The following PBRM1 variants were observed in gnomAD, a reference collection of about 807,000 sequenced individuals.
PBRM1 encodes the protein protein polybromo-1.
PBRM1 carries 27 observed loss-of-function variants against 194.5 expected under a neutral mutation model. That is an observed-to-expected ratio of 0.14 (90% CI 0.10 to 0.19). The LOEUF is 0.19. PBRM1 is among the 10% of genes least tolerant of loss of function. The pLI is 1.00. For synonymous variants in PBRM1, 655 were observed against 693.2 expected, an observed-to-expected ratio of 0.94 and a Z score of 0.87; for missense variants, 1,466 against 2,077.2, an observed-to-expected ratio of 0.71 and a Z score of 5.72.
intron 22 of PBRM1, among the ~76,000 whole-genome samples, chr3:52,571,818 T>C (rs1400688265): frequency 2.2e-5 from 3 of 135,424 alleles, no homozygotes; most frequent in East Asian, 4.2e-4. Flanking sequence ...GGCCAGGAGT[T>C]TGAGACCAGC....
exon 21 of PBRM1, chr3:52,579,058 C>T: frequency 6.2e-7 from 1 of 1,614,060 alleles, no homozygotes; most frequent in Non-Finnish European, 8.5e-7. Context: ...ACTCACCTGC[C>T]CACACGAGGA....
intron 23 of PBRM1, among the ~76,000 whole-genome samples, chr3:52,563,846 C>T (rs1244305573): frequency 6.6e-6 from 1 of 151,698 alleles, no homozygotes; most frequent in Non-Finnish European, 1.5e-5. Flanking sequence ...TTGGAGTCTA[C>T]GCCAAGGGCA....
upstream of PBRM1, among the ~76,000 whole-genome samples, chr3:52,683,849 T>TCCAAAAAAAAAAAAAAAAAAG (rs61030633): frequency 6.6e-6 from 1 of 151,514 alleles, no homozygotes. Flanking sequence ...ACTTGAGACC[T>TCCAAAAAAAAAAAAAAAAAAG]TCAAAAAAAA....
intron 10 of PBRM1, among the ~76,000 whole-genome samples, chr3:52,636,921 C>A (rs1017363215): frequency 2.0e-5 from 3 of 150,986 alleles, no homozygotes; most frequent in Non-Finnish European, 4.4e-5. Context: ...CTCAGGTAAT[C>A]CTAAAACCAA....
chr3:52,679,813 C>A (rs1331050480), upstream of PBRM1: 3 of 1,008,974 alleles, frequency 3.0e-6, no homozygotes, highest in Non-Finnish European at 4.3e-6. Context: ...AAACTCCTGG[C>A]TCACTTAGGA....
intron 22 of PBRM1, among the ~76,000 whole-genome samples, chr3:52,573,686 T>A (rs2088319355): frequency 6.6e-6 from 1 of 152,226 alleles, no homozygotes; most frequent in Non-Finnish European, 1.5e-5. Flanking sequence ...CTAAGGGCCA[T>A]TACTTCACAG....
At chr3:52,603,636 T>C (rs1386518924) in exon 17 of PBRM1, 2 of 1,613,762 alleles carry the variant, frequency 1.2e-6, no homozygotes, top group Non-Finnish European at 1.7e-6. Flanking sequence ...TGAGTGCCGG[T>C]GAAAGAAGAA....
At chr3:52,647,645 A>G (rs1472735404) in intron 7 of PBRM1, among the ~76,000 whole-genome samples, 3 of 151,808 alleles carry the variant, frequency 2.0e-5, no homozygotes, top group Admixed American at 2.0e-4. Flanking sequence ...ATTATTCCGC[A>G]ATAAAAAGAA....
chr3:52,631,891 G>A (rs991168228), intron 11 of PBRM1, among the ~76,000 whole-genome samples: 2 of 152,174 alleles, frequency 1.3e-5, no homozygotes, highest in African/African-American at 4.8e-5. Context: ...AATTCACAGA[G>A]ACTGATTCAA....
upstream of PBRM1, chr3:52,681,658 C>G: frequency 1.0e-6 from 1 of 954,236 alleles, no homozygotes; most frequent in Non-Finnish European, 1.3e-6. Context: ...CAAGGAAGGA[C>G]AGAAAAGGGA....
At chr3:52,676,153 T>G (rs112363586) in intron 2 of PBRM1, among the ~76,000 whole-genome samples, 2 of 71,106 alleles carry the variant, frequency 2.8e-5, no homozygotes, top group South Asian at 5.3e-4. Flanking sequence ...AAAAAAAAAA[T>G]AATGAATGAA....
chr3:52,600,952 G>A (rs1376388898), intron 17 of PBRM1, among the ~76,000 whole-genome samples: 3 of 152,058 alleles, frequency 2.0e-5, no homozygotes, highest in Non-Finnish European at 4.4e-5. Context: ...ATTACTTATC[G>A]ACTGAAATCT....
chr3:52,674,665 T>TACAC (rs1205407010), intron 2 of PBRM1, among the ~76,000 whole-genome samples: 21 of 136,808 alleles, frequency 1.5e-4, no homozygotes, highest in African/African-American at 5.2e-4. Flanking sequence ...TATATATATA[T>TACAC]ACACACACAC....
chr3:52,559,630 T>C (rs535068683), intron 25 of PBRM1, among the ~76,000 whole-genome samples: 3 of 151,940 alleles, frequency 2.0e-5, no homozygotes, highest in South Asian at 2.1e-4. Context: ...AGGGGGAAAA[T>C]AGCTCGAGGT....
chr3:52,614,183 G>T (rs2094813385), intron 15 of PBRM1, among the ~76,000 whole-genome samples: 1 of 151,944 alleles, frequency 6.6e-6, no homozygotes, highest in Non-Finnish European at 1.5e-5. Context: ...ACAGCAGCCT[G>T]GCCAACATGG....
intron 22 of PBRM1, among the ~76,000 whole-genome samples, chr3:52,565,275 G>A (rs2084800029): frequency 6.6e-6 from 1 of 152,064 alleles, no homozygotes; most frequent in Non-Finnish European, 1.5e-5. Context: ...GGAGGCCGAG[G>A]AGGGTGGATC....
At chr3:52,679,060 C>T (rs1430569965) in intron 1 of PBRM1, among the ~76,000 whole-genome samples, 1 of 152,172 alleles carries the variant, frequency 6.6e-6, no homozygotes, top group African/African-American at 2.4e-5. Flanking sequence ...CTGACCATCC[C>T]CTGCTCTGTA....
intron 21 of PBRM1, among the ~76,000 whole-genome samples, chr3:52,577,257 C>G (rs1021759960): frequency 6.6e-6 from 1 of 151,820 alleles, no homozygotes; most frequent in African/African-American, 2.4e-5. Flanking sequence ...ATGGTGAAAC[C>G]CCATCTCCAC....
At chr3:52,625,328 C>T (rs189639958) in intron 13 of PBRM1, among the ~76,000 whole-genome samples, 202 of 152,344 alleles carry the variant, frequency 1.3e-3, no homozygotes, top group African/African-American at 3.0e-3. Flanking sequence ...AACCTCTCAA[C>T]ATGACTGATC....
Sources: allele counts gnomAD v4.1 joint callset (sites outside exome capture counted in the v4.1 genomes callset), GRCh38; gene constraint gnomAD v4.1.1; transcripts MANE v1.5; gene names NCBI Gene and HGNC (gene_info 2026-07-23, HGNC 2026-07-21).